CNTN5: variants seen among roughly 807,000 people sequenced by gnomAD.
The protein encoded by CNTN5 is contactin-5.
Under a neutral mutation model 129.1 loss-of-function variants are expected in CNTN5, and 77 were observed. The ratio of observed to expected loss-of-function variants is 0.60; its 90% CI spans 0.50 to 0.72. The LOEUF is 0.72. CNTN5 is among the 30% of genes least tolerant of loss of function. CNTN5 has a pLI of 0.00. For missense variants in CNTN5, 1,478 were observed against 1,328.8 expected, an observed-to-expected ratio of 1.11 and a Z score of -1.75; for synonymous variants, 509 against 465.6, an observed-to-expected ratio of 1.09 and a Z score of -1.20.
intron 3 of CNTN5, among the ~76,000 whole-genome samples, chr11:99,645,461 A>C (rs35661685): frequency 2.0e-5 from 3 of 151,648 alleles, no homozygotes; most frequent in African/African-American, 7.3e-5. Flanking sequence ...CTTCCACAGT[A>C]GTTGAACTAA....
intron 6 of CNTN5, among the ~76,000 whole-genome samples, chr11:99,868,337 T>C (rs1025717793): frequency 6.6e-6 from 1 of 152,208 alleles, no homozygotes; most frequent in African/African-American, 2.4e-5. Flanking sequence ...CCAACATTTG[T>C]TGAAAATTTG....
intron 1 of CNTN5, among the ~76,000 whole-genome samples, chr11:99,085,338 C>T (rs968401501): frequency 1.3e-5 from 2 of 152,082 alleles, no homozygotes; most frequent in African/African-American, 4.8e-5. Flanking sequence ...AGCCACCGTG[C>T]CCGGCCTAGT....
intron 20 of CNTN5, among the ~76,000 whole-genome samples, chr11:100,305,869 C>T (rs1951336613): frequency 6.6e-6 from 1 of 151,192 alleles, no homozygotes; most frequent in African/African-American, 2.4e-5. Context: ...TCTTTGGCTT[C>T]CCTGGGCCAC....
At chr11:100,044,257 C>A (rs1341653749) in intron 9 of CNTN5, among the ~76,000 whole-genome samples, 2 of 151,870 alleles carry the variant, frequency 1.3e-5, no homozygotes, top group Non-Finnish European at 2.9e-5. Context: ...GATTCCATAT[C>A]TTTGTTATTG....
intron 2 of CNTN5, among the ~76,000 whole-genome samples, chr11:99,522,422 CA>C (rs1390068819): frequency 7.2e-5 from 11 of 151,992 alleles, no homozygotes; most frequent in Non-Finnish European, 1.6e-4. Flanking sequence ...AAATACTATA[CA>C]TTTTTTTCAA....
chr11:99,280,565 T>TA (rs949347638), intron 1 of CNTN5, among the ~76,000 whole-genome samples: 44 of 146,708 alleles, frequency 3.0e-4, no homozygotes, highest in South Asian at 4.3e-4. Flanking sequence ...GGTTCTAGGT[T>TA]AAAAAAAAAA....
chr11:99,405,208 G>C (rs1438524637), intron 2 of CNTN5, among the ~76,000 whole-genome samples: 3 of 151,956 alleles, frequency 2.0e-5, no homozygotes, highest in African/African-American at 4.8e-5. Flanking sequence ...AGGCTTCTTT[G>C]AGTTAAATCT....
intron 2 of CNTN5, among the ~76,000 whole-genome samples, chr11:99,409,588 CG>C (rs1216077919): frequency 6.6e-6 from 1 of 152,082 alleles, no homozygotes; most frequent in Non-Finnish European, 1.5e-5. Flanking sequence ...TGAATTAATA[CG>C]TTGGTGATTT....
chr11:99,864,450 C>T (rs1948301219), intron 6 of CNTN5, among the ~76,000 whole-genome samples: 1 of 152,080 alleles, frequency 6.6e-6, no homozygotes, highest in African/African-American at 2.4e-5. Flanking sequence ...TATTTGTGCA[C>T]CCTTTTTAGA....
chr11:99,906,855 C>G (rs186302347), intron 6 of CNTN5, among the ~76,000 whole-genome samples: 1 of 152,120 alleles, frequency 6.6e-6, no homozygotes, highest in East Asian at 1.9e-4. Context: ...GGTTTGACTT[C>G]TTTCTTCTTT....
chr11:99,845,737 C>A (rs1270702563), intron 6 of CNTN5, among the ~76,000 whole-genome samples: 2 of 152,066 alleles, frequency 1.3e-5, no homozygotes, highest in Non-Finnish European at 1.5e-5. Flanking sequence ...GATAAACTAG[C>A]CTGACAGGTT....
intron 2 of CNTN5, among the ~76,000 whole-genome samples, chr11:99,365,009 G>A (rs1273563236): frequency 6.6e-6 from 1 of 152,102 alleles, no homozygotes; most frequent in Non-Finnish European, 1.5e-5. Flanking sequence ...TGTTGCATCT[G>A]CTTAGGTGCA....
At chr11:99,683,034 ATT>A (rs1290729357) in intron 3 of CNTN5, among the ~76,000 whole-genome samples, 6 of 151,944 alleles carry the variant, frequency 3.9e-5, no homozygotes, top group Non-Finnish European at 1.5e-5. Flanking sequence ...ATCTGGAAGT[ATT>A]TGTTATTTAT....
intron 3 of CNTN5, among the ~76,000 whole-genome samples, chr11:99,644,902 C>T (rs745906695): frequency 2.6e-5 from 4 of 151,718 alleles, no homozygotes; most frequent in Admixed American, 2.0e-4. Context: ...AATTGCACTT[C>T]GTATTTTAAA....
chr11:99,950,656 A>G (rs891536857), intron 7 of CNTN5, among the ~76,000 whole-genome samples: 2 of 152,208 alleles, frequency 1.3e-5, no homozygotes, highest in African/African-American at 4.8e-5. Context: ...ATGAATTTAT[A>G]TTCTACAAAA....
intron 3 of CNTN5, among the ~76,000 whole-genome samples, chr11:99,804,379 T>A (rs937541693): frequency 6.6e-6 from 1 of 152,046 alleles, no homozygotes; most frequent in Non-Finnish European, 1.5e-5. Context: ...TTAGGAATAG[T>A]GCAAGTTGTC....
At chr11:99,513,765 A>G (rs7946189) in intron 2 of CNTN5, among the ~76,000 whole-genome samples, 9,994 of 152,090 alleles carry the variant, frequency 0.066, 366 homozygotes, top group African/African-American at 0.097. Flanking sequence ...AAATATTACC[A>G]TTCACTGACA....
At chr11:99,349,310 A>AT (rs947934597) in intron 2 of CNTN5, among the ~76,000 whole-genome samples, 1 of 152,084 alleles carries the variant, frequency 6.6e-6, no homozygotes, top group African/African-American at 2.4e-5. Context: ...CATGCTATAA[A>AT]TTTTTTTCCT....
At position 99,432,464 on chromosome 11, in the gene CNTN5, C is replaced by CTTTCCTTTTCTTTT. The variant is rs1555143589; in HGVS notation, c.-71+106980_-71+106981insTTTCCTTTTCTTTT. Among the ~76,000 whole-genome samples the CTTTCCTTTTCTTTT allele has an allele frequency of 1.1e-3, 126 of 116,416 alleles. 1 individual carries two copies. Among genetic ancestry groups the CTTTCCTTTTCTTTT allele is most frequent in the East Asian group, 9.6e-3 (42 of 4,360 alleles). The allele number at this position is 116,416 out of a possible 152,430, so 76.4% of individuals were successfully genotyped here. A position where few individuals can be genotyped will look rare whatever the true frequency, so the allele number is the denominator to read the frequency against. ...CCTTTTCTTTTCTTTTCTTTTCTTTCCTTTTCTTTTCTTTTCTTTTCTTTT... is the reference window on the plus strand; with the variant it reads ...CCTTTTCTTTTCTTTTCTTTTCTTTCTTTCCTTTTCTTTTCTTTTCTTTTCTTTTCTTTTCTTTT... On this transcript the variant is annotated intron_variant, in intron 2 of 24. Transcript: ENST00000524871.
Sources: allele counts gnomAD v4.1 joint callset (sites outside exome capture counted in the v4.1 genomes callset), GRCh38; gene constraint gnomAD v4.1.1; transcripts MANE v1.5; gene names NCBI Gene and HGNC (gene_info 2026-07-23, HGNC 2026-07-21).